Variants in ITSN1 observed in about 807,000 individuals in gnomAD.
ITSN1 encodes intersectin-1.
In ITSN1, 58 loss-of-function variants were observed where a neutral mutation model predicts 239.8. The observed-to-expected ratio is 0.24, with a 90% confidence interval of 0.20 to 0.30. The LOEUF is 0.30. Ranked by LOEUF, ITSN1 falls within the 10% of genes least tolerant of loss-of-function variation. The pLI is 1.00. For synonymous variants in ITSN1, 780 were observed against 770.8 expected, an observed-to-expected ratio of 1.01 and a Z score of -0.20; for missense variants, 1,558 against 2,103.3, an observed-to-expected ratio of 0.74 and a Z score of 5.07.
chr21:33,718,972 T>A, intron 2 of ITSN1, 116 bp downstream of exon 2: 2 of 778,380 alleles, frequency 2.6e-6, no homozygotes, highest in Non-Finnish European at 4.3e-6. Context: ...AGCATTCATG[T>A]ATTCCATCAT....
chr21:33,755,740 T>C (rs1182652770), intron 8 of ITSN1, among the ~76,000 whole-genome samples: 1 of 152,208 alleles, frequency 6.6e-6, no homozygotes, highest in Non-Finnish European at 1.5e-5. Flanking sequence ...AACTTGAAGC[T>C]GTCTGTTCAC....
intron 22 of ITSN1, among the ~76,000 whole-genome samples, chr21:33,816,398 C>T (rs1158401788): frequency 6.6e-6 from 1 of 152,206 alleles, no homozygotes; most frequent in African/African-American, 2.4e-5. Context: ...CTACACACAT[C>T]TTGCATTACC....
At chr21:33,742,765 T>C (rs1477653296) in intron 5 of ITSN1, among the ~76,000 whole-genome samples, 2 of 151,912 alleles carry the variant, frequency 1.3e-5, no homozygotes, top group Non-Finnish European at 2.9e-5. Context: ...CAGACAAAAG[T>C]AGGGGAGGAG....
At chr21:33,739,692 G>T (rs1049697610) in intron 5 of ITSN1, among the ~76,000 whole-genome samples, 7 of 152,186 alleles carry the variant, frequency 4.6e-5, no homozygotes, top group African/African-American at 1.7e-4. Flanking sequence ...ACCTAGGGGA[G>T]AGGCCTTCCA....
intron 11 of ITSN1, among the ~76,000 whole-genome samples, chr21:33,771,268 T>C (rs564506626): frequency 6.6e-6 from 1 of 152,304 alleles, no homozygotes; most frequent in East Asian, 1.9e-4. Flanking sequence ...GCTGCAGATC[T>C]CAAGGCAGAG....
intron 1 of ITSN1, among the ~76,000 whole-genome samples, chr21:33,695,112 G>A (rs1415433480): frequency 6.6e-6 from 1 of 152,184 alleles, no homozygotes; most frequent in Non-Finnish European, 1.5e-5. Context: ...ACCGTGCCCG[G>A]CCACTTTTTT....
At chr21:33,883,800 G>GA (rs1416557345) in intron 36 of ITSN1, 129 bp downstream of exon 36, 36 of 1,055,386 alleles carry the variant, frequency 3.4e-5, no homozygotes, top group Non-Finnish European at 4.8e-5. Context: ...TGGGAGTGGG[G>GA]ATGGGGCTAT....
chr21:33,747,824 T>TA (rs1281886885), intron 5 of ITSN1, among the ~76,000 whole-genome samples: 1 of 152,072 alleles, frequency 6.6e-6, no homozygotes, highest in East Asian at 1.9e-4. Context: ...TTAGAAGAAA[T>TA]ACTAAATGAA....
intron 1 of ITSN1, 109 bp from the exon 2 acceptor site, chr21:33,718,688 T>C (rs1289714794): frequency 1.4e-6 from 1 of 738,512 alleles, no homozygotes. Flanking sequence ...AGAGCTATGC[T>C]CTGGCTCTAG....
intron 31 of ITSN1, among the ~76,000 whole-genome samples, chr21:33,862,647 G>A (rs1431987417): frequency 6.6e-6 from 1 of 152,168 alleles, no homozygotes; most frequent in African/African-American, 2.4e-5. Flanking sequence ...GCCCAGAGCA[G>A]CTTGGAGGCA....
chr21:33,759,730 C>T (rs2068161288), intron 8 of ITSN1, among the ~76,000 whole-genome samples: 1 of 152,160 alleles, frequency 6.6e-6, no homozygotes, highest in Non-Finnish European at 1.5e-5. Context: ...GGAATGTGTT[C>T]ATATATTCAC....
chr21:33,743,106 A>G lies in ITSN1; in HGVS notation c.347-7037A>G, dbSNP rs2066961707. On this transcript the variant is annotated intron_variant, in intron 5 of 39. Coordinates refer to ENST00000381318, the MANE Select transcript of ITSN1 (RefSeq NM_003024.3). ...TCATTCTAGAAATGAGGATGCAACT[A>G]GAAGCAACACAGGGGATACTAACTG... is the stretch of plus-strand genomic sequence containing the variant. 2.0e-5 allele frequency among the ~76,000 whole-genome samples: 3 copies of G among 152,364 alleles called. No homozygotes were observed. In the South Asian group the frequency reaches 6.2e-4, roughly 32 times the overall value.
intron 1 of ITSN1, among the ~76,000 whole-genome samples, chr21:33,699,548 T>C (rs2091923433): frequency 6.6e-6 from 1 of 152,048 alleles, no homozygotes; most frequent in Admixed American, 6.6e-5. Flanking sequence ...GGTGAAACCC[T>C]GTCTCTACAA....
intron 11 of ITSN1, among the ~76,000 whole-genome samples, chr21:33,770,290 T>C (rs2069054912): frequency 6.6e-6 from 1 of 152,150 alleles, no homozygotes; most frequent in East Asian, 1.9e-4. Flanking sequence ...CTTGAACTCC[T>C]GACCTCTGGT....
At position 33,775,080 on chromosome 21, in the gene ITSN1, A is replaced by T. The variant is rs1444225684; in HGVS notation, c.1568A>T (p.Glu523Val). Reference sequence around the variant, plus strand: ...AAATCTAGAGAGTTGAGAATTGCCGAAATCACCCATCTACAGCAACAATTA... The same window carrying T: ...AAATCTAGAGAGTTGAGAATTGCCGTAATCACCCATCTACAGCAACAATTA... ...TNKSRELRIAEITHLQQQLQE... is the reference protein window; with the variant it reads ...TNKSRELRIAVITHLQQQLQE... Residue 523 changes from glutamate to valine, a missense_variant, in exon 14 of 40, where the codon GAA (glutamate) becomes GTA (valine). Around this residue, in one of 2 missense-constraint regions of ITSN1, gnomAD observed 982 missense variants for 1,209.9 expected, o/e 0.81. Coordinates refer to ENST00000381318, the MANE Select transcript of ITSN1 (RefSeq NM_003024.3). 1 of 1,613,946 alleles carries T rather than the reference A, an allele frequency of 6.2e-7. No homozygotes were observed. Among genetic ancestry groups the T allele is most frequent in the Non-Finnish European group, 8.5e-7 (1 of 1,179,972 alleles).
chr21:33,838,230 G>T, intron 29 of ITSN1: 2 of 985,342 alleles, frequency 2.0e-6, no homozygotes, highest in Non-Finnish European at 2.4e-6. Context: ...GCACAATCTA[G>T]CTGTCCTCCT....
intron 1 of ITSN1, among the ~76,000 whole-genome samples, chr21:33,712,321 G>A (rs913458091): frequency 1.3e-5 from 2 of 152,136 alleles, no homozygotes; most frequent in Admixed American, 6.6e-5. Flanking sequence ...GCAGAATGCT[G>A]TTTGTTTCAG....
chr21:33,703,085 G>GTC (rs923103560), intron 1 of ITSN1, among the ~76,000 whole-genome samples: 2 of 134,430 alleles, frequency 1.5e-5, no homozygotes, highest in African/African-American at 3.4e-5. Context: ...GACTCTGTCT[G>GTC]TGTGTGTGTG....
chr21:33,644,729 C>G (rs979867712), intron 1 of ITSN1, among the ~76,000 whole-genome samples: 3 of 151,694 alleles, frequency 2.0e-5, no homozygotes, highest in Non-Finnish European at 2.9e-5. Flanking sequence ...GTAGTAGAAC[C>G]TCTGCTCAAG....
Sources: gnomAD v4.1 joint callset for allele counts (sites outside exome capture counted in the v4.1 genomes callset) on GRCh38, gnomAD v4.1.1 for gene constraint, gnomAD v4.1.1 regional missense constraint, MANE v1.5 for transcripts, NCBI Gene and HGNC (gene_info 2026-07-23, HGNC 2026-07-21) for gene names.